The following IL16 variants were observed in gnomAD, a reference collection of about 807,000 sequenced individuals.
The protein encoded by IL16 is pro-interleukin-16.
Under a neutral mutation model 110.1 loss-of-function variants are expected in IL16, and 67 were observed. The ratio of observed to expected loss-of-function variants is 0.61; its 90% CI spans 0.50 to 0.75. The LOEUF is 0.75. IL16 is among the 30% of genes least tolerant of loss of function. IL16 has a pLI of 0.00. For missense variants in IL16, 1,545 were observed against 1,655.0 expected, an observed-to-expected ratio of 0.93 and a Z score of 1.15; for synonymous variants, 689 against 662.9, an observed-to-expected ratio of 1.04 and a Z score of -0.61.
intron 3 of IL16, among the ~76,000 whole-genome samples, chr15:81,263,445 A>G (rs879002042): frequency 7.9e-5 from 12 of 151,944 alleles, no homozygotes; most frequent in African/African-American, 1.7e-4. Context: ...ACTTCCCCCA[A>G]TGGAGATGAT....
chr15:81,184,603 G>T (rs1895391464), intron 1 of IL16, among the ~76,000 whole-genome samples: 1 of 152,222 alleles, frequency 6.6e-6, no homozygotes, highest in African/African-American at 2.4e-5. Flanking sequence ...TATGTCAGCT[G>T]TGGGAATGAA....
At chr15:81,221,131 A>G (rs1455416446) in intron 1 of IL16, among the ~76,000 whole-genome samples, 3 of 152,068 alleles carry the variant, frequency 2.0e-5, no homozygotes, top group Non-Finnish European at 4.4e-5. Flanking sequence ...GAACAAATAC[A>G]CTAGCTCTGT....
chr15:81,188,133 C>A (rs572443510), intron 1 of IL16, among the ~76,000 whole-genome samples: 3 of 152,172 alleles, frequency 2.0e-5, no homozygotes, highest in Non-Finnish European at 4.4e-5. Context: ...CCTCATATTT[C>A]CTGCTGCAGT....
At chr15:81,308,222 G>A (rs182543692) in intron 18 of IL16, among the ~76,000 whole-genome samples, 11 of 152,264 alleles carry the variant, frequency 7.2e-5, no homozygotes, top group Admixed American at 4.6e-4. Context: ...CACCACATGC[G>A]GAGAACAAAT....
At chr15:81,188,267 A>G (rs979708470) in intron 1 of IL16, 25 of 453,022 alleles carry the variant, frequency 5.5e-5, no homozygotes, top group African/African-American at 4.6e-4. Context: ...CTGAATCGCT[A>G]TGTTGTTATG....
intron 2 of IL16, among the ~76,000 whole-genome samples, chr15:81,237,544 G>A (rs1206503017): frequency 2.0e-5 from 3 of 152,024 alleles, no homozygotes; most frequent in Non-Finnish European, 2.9e-5. Flanking sequence ...CCTATACACC[G>A]GTGTGTCAAT....
At chr15:81,281,200 C>A (rs1899158996) in intron 8 of IL16, among the ~76,000 whole-genome samples, 1 of 152,206 alleles carries the variant, frequency 6.6e-6, no homozygotes, top group South Asian at 2.1e-4. Flanking sequence ...ATTGTCACGG[C>A]CTCCCTCATG....
chr15:81,267,376 C>T (rs1021851314), intron 4 of IL16, among the ~76,000 whole-genome samples: 1 of 152,082 alleles, frequency 6.6e-6, no homozygotes, highest in African/African-American at 2.4e-5. Context: ...CTACTCAACT[C>T]CTCAAAGTTT....
chr15:81,227,591 G>A (rs990967953), intron 2 of IL16, among the ~76,000 whole-genome samples: 2 of 152,134 alleles, frequency 1.3e-5, no homozygotes, highest in African/African-American at 2.4e-5. Flanking sequence ...TGGCAGCCAG[G>A]GACCAGAACA....
intron 1 of IL16, among the ~76,000 whole-genome samples, chr15:81,201,141 GTGTGTGTGTGTCTC>G (rs1223380317): frequency 6.6e-6 from 1 of 150,754 alleles, no homozygotes; most frequent in Non-Finnish European, 1.5e-5. Context: ...AAAATAAAAA[GTGTGTGTGTGTCTC>G]TGTGTGTGTG....
At chr15:81,199,287 C>T (rs1895723832) in intron 1 of IL16, among the ~76,000 whole-genome samples, 1 of 151,968 alleles carries the variant, frequency 6.6e-6, no homozygotes, top group African/African-American at 2.4e-5. Flanking sequence ...CTTTTGAATT[C>T]CTGTTGAAAT....
chr15:81,197,175 G>C, intron 1 of IL16, 23 bp downstream of exon 1: 3 of 1,284,992 alleles, frequency 2.3e-6, no homozygotes, highest in Non-Finnish European at 3.0e-6. Context: ...CTGTCAGGCA[G>C]CTGCTCTGTC....
chr15:81,213,094 A>G (rs1436366509), intron 1 of IL16, among the ~76,000 whole-genome samples: 1 of 152,132 alleles, frequency 6.6e-6, no homozygotes, highest in Non-Finnish European at 1.5e-5. Context: ...CCCTATTTTC[A>G]TTAATTTAAA....
rs1233428557 is a variant in IL16, at chr15:81,203,681, A to G, written c.-102+6529A>G. Among the ~76,000 whole-genome samples, 6 of 152,090 alleles carry G rather than the reference A, an allele frequency of 3.9e-5. No homozygotes were observed. In the South Asian group the frequency reaches 1.0e-3, roughly 26 times the overall value. ...GCTCTGTTCTATTCCATTGGTCTATATCTCTGTTTTGGTACCAGTACCATG... is the reference window on the plus strand; with the variant it reads ...GCTCTGTTCTATTCCATTGGTCTATGTCTCTGTTTTGGTACCAGTACCATG... On this transcript the variant is annotated intron_variant, in intron 1 of 18. Transcript: ENST00000683961.
At chr15:81,213,345 T>A (rs890324231) in intron 1 of IL16, among the ~76,000 whole-genome samples, 4 of 152,226 alleles carry the variant, frequency 2.6e-5, no homozygotes, top group African/African-American at 9.6e-5. Context: ...CATGTGCAGA[T>A]GAGAAGAATA....
chr15:81,213,013 G>A lies in IL16; in HGVS notation c.-101-12286G>A, dbSNP rs1896304239. On this transcript the variant is annotated intron_variant, in intron 1 of 18. Coordinates refer to ENST00000683961, the MANE Select transcript of IL16 (RefSeq NM_172217.5). ...AACATCTTTTTAATTTCTCGATGAA[G>A]GTGTTTAGGGCTCTAAACTTTCCTC... is the stretch of plus-strand genomic sequence containing the variant. 2.0e-5 allele frequency among the ~76,000 whole-genome samples: 3 copies of A among 151,972 alleles called. No homozygotes were observed. The South Asian group carries it at 6.2e-4, about 32-fold the overall frequency.
chr15:81,299,739 G>C lies in IL16; in HGVS notation c.2413G>C (p.Asp805His). ...SLKGLRNRAS[D>H]PRGLPDPALS... Reference sequence around the variant, plus strand: ...GAAAGGTTTGAGGAATCGTGCTTCAGACCCAAGAGGGCTCCCTGATCCTGC... The same window carrying C: ...GAAAGGTTTGAGGAATCGTGCTTCACACCCAAGAGGGCTCCCTGATCCTGC... Residue 805 changes from aspartate to histidine, a missense_variant, in exon 14 of 19, where the codon GAC (aspartate) becomes CAC (histidine). Transcript: ENST00000683961. The C allele has an allele frequency of 1.9e-6, 3 of 1,614,192 alleles. No individual in the cohort carries two copies. The highest frequency in any genetic ancestry group is 2.5e-6 in the Non-Finnish European group (3 of 1,180,028).
Position 81,231,324 on chromosome 15 carries a change from GT to G in IL16, c.312+5614del, listed in dbSNP as rs1896966986. Among the ~76,000 whole-genome samples, 187 of 47,150 alleles carry G rather than the reference GT, an allele frequency of 4.0e-3. 1 individual carries two copies. The highest frequency in any genetic ancestry group is 0.014 in the African/African-American group (176 of 12,748). The allele number at this position is 47,150 out of a possible 152,430, so 30.9% of individuals were successfully genotyped here. A position where few individuals can be genotyped will look rare whatever the true frequency, so the allele number is the denominator to read the frequency against. ...GGGGAGATCTACCCAAGGTCGGTCT[GT>G]CTCTCTCTCTCTCTCTCTCTCTCTC... On this transcript the variant is annotated intron_variant, in intron 2 of 18. Transcript: ENST00000683961.
chr15:81,300,087 G>A lies in IL16; in HGVS notation c.2761G>A (p.Glu921Lys). Reference sequence around the variant, plus strand: ...CGAGGCCAGAGACCCAGGTGTGTCTGAGTCCCCTCCCCCAGGGCGGCAGCC... The same window carrying A: ...CGAGGCCAGAGACCCAGGTGTGTCTAAGTCCCCTCCCCCAGGGCGGCAGCC... ...ASEARDPGVS[E>K]SPPPGRQPNQ... Residue 921 changes from glutamate to lysine, a missense_variant, in exon 14 of 19, where the codon GAG (glutamate) becomes AAG (lysine). Glu to Lys is a moderately conservative substitution (Grantham distance 56, BLOSUM62 1). Coordinates refer to ENST00000683961, the MANE Select transcript of IL16 (RefSeq NM_172217.5). The A allele has an allele frequency of 6.3e-7, 1 of 1,578,982 alleles. No individual in the cohort carries two copies. The highest frequency in any genetic ancestry group is 8.6e-7 in the Non-Finnish European group (1 of 1,163,792).
Sources: gnomAD v4.1 joint callset for allele counts (sites outside exome capture counted in the v4.1 genomes callset) on GRCh38, gnomAD v4.1.1 for gene constraint, MANE v1.5 for transcripts, NCBI Gene and HGNC (gene_info 2026-07-23, HGNC 2026-07-21) for gene names.